The following CPA6 variants were observed in gnomAD, a reference collection of about 807,000 sequenced individuals.
CPA6 encodes carboxypeptidase A6, also known as carboxypeptidase B.
In CPA6, 58 loss-of-function variants were observed where a neutral mutation model predicts 63.3. That is an observed-to-expected ratio of 0.92 (90% confidence interval 0.74 to 1.14). The LOEUF is 1.14. Ranked by LOEUF, CPA6 falls within the 50% of genes most tolerant of loss-of-function variation. The pLI, the probability that CPA6 is intolerant of heterozygous loss-of-function variation, is 0.00. For missense variants in CPA6, 565 were observed against 526.6 expected (o/e 1.07, Z -0.71); for synonymous variants, 185 against 179.0 (o/e 1.03, Z -0.27).
chr8:67,434,384 G>T, intron 8 of CPA6, 144 bp from the exon 9 acceptor site: 1 of 742,530 alleles, frequency 1.3e-6, no homozygotes, highest in Non-Finnish European at 2.2e-6. Context: ...TCTCATTTAT[G>T]GAAATCAGTA....
rs760392592 is a variant in CPA6, at chr8:67,624,204, GC to G, written c.163del (p.Ala55HisfsTer2). On this transcript the variant is annotated frameshift_variant, in exon 2 of 11. Transcript: ENST00000297770. LOFTEE classifies it high-confidence loss of function. ...AAGTTGATAGGATATTTTCTTCAGT[GC>G]ATATGCTTCCTCTTCTGTTTTGGGA... ...FIPKTEEEAY[A>X]LKKISYQLKV... 7 of 1,548,338 alleles carry G rather than the reference GC, an allele frequency of 4.5e-6. No individual in the cohort carries two copies. In the Admixed American group the frequency reaches 8.5e-5, roughly 19 times the overall value.
At chr8:67,454,419 A>G (rs1230723583) in intron 8 of CPA6, among the ~76,000 whole-genome samples, 1 of 152,230 alleles carries the variant, frequency 6.6e-6, no homozygotes, top group Non-Finnish European at 1.5e-5. Context: ...TGTCTGCAGT[A>G]CTATGAAAGA....
At chr8:67,665,442 TGTAA>T (rs1431639156) in intron 1 of CPA6, among the ~76,000 whole-genome samples, 1 of 152,150 alleles carries the variant, frequency 6.6e-6, no homozygotes, top group Non-Finnish European at 1.5e-5. Context: ...AAACTGTCAG[TGTAA>T]GTAACTCCAA....
In CPA6 at chr8:67,490,216, GTCTT is replaced by G. The variant is rs377411275; in HGVS notation, c.637-5431_637-5428del. Among the ~76,000 whole-genome samples, 33 of 152,240 alleles carry G rather than the reference GTCTT, an allele frequency of 2.2e-4. 1 individual carries two copies. Among genetic ancestry groups the G allele is most frequent in the African/African-American group, 7.0e-4 (29 of 41,536 alleles). On this transcript the variant is annotated intron_variant, in intron 6 of 10. Coordinates refer to ENST00000297770, the MANE Select transcript of CPA6 (RefSeq NM_020361.5). ...GTTTCTAAAAGAAACGTAACCATGTGTCTTTCTATTTCCTGTTATTCTAACATAT... is the reference window on the plus strand; with the variant it reads ...GTTTCTAAAAGAAACGTAACCATGTGTCTATTTCCTGTTATTCTAACATAT...
intron 2 of CPA6, among the ~76,000 whole-genome samples, chr8:67,529,413 C>T (rs926143536): frequency 6.6e-6 from 1 of 152,128 alleles, no homozygotes; most frequent in Non-Finnish European, 1.5e-5. Flanking sequence ...AAGCCCTACA[C>T]AGGCTCAGGA....
intron 8 of CPA6, among the ~76,000 whole-genome samples, chr8:67,475,855 C>CTCT (rs1811193515): frequency 1.3e-5 from 1 of 75,792 alleles, no homozygotes; most frequent in African/African-American, 5.6e-5. Context: ...TTCTTTCTTT[C>CTCT]TTTCTTTCTT....
intron 2 of CPA6, among the ~76,000 whole-genome samples, chr8:67,619,419 T>A (rs1815029549): frequency 6.6e-6 from 1 of 152,178 alleles, no homozygotes; most frequent in Non-Finnish European, 1.5e-5. Context: ...TCTTCAGGTA[T>A]CAATGGGCTA....
chr8:67,481,924 C>A (rs571302898), intron 8 of CPA6, among the ~76,000 whole-genome samples: 1 of 152,300 alleles, frequency 6.6e-6, no homozygotes, highest in African/African-American at 2.4e-5. Context: ...CCTGCACTTC[C>A]CCATCACTTC....
intron 2 of CPA6, among the ~76,000 whole-genome samples, chr8:67,523,095 A>G (rs1812292866): frequency 6.6e-6 from 1 of 152,244 alleles, no homozygotes; most frequent in Non-Finnish European, 1.5e-5. Context: ...CAGCTCTGCC[A>G]CTTGTAGGCT....
rs1035861024 is a variant in CPA6 at position 67,517,936 on chromosome 8, T to G, written c.304A>C (p.Asn102His). 3.1e-6 allele frequency: 5 copies of G among 1,610,826 alleles called. No homozygotes were observed. Among genetic ancestry groups the G allele is most frequent in the Non-Finnish European group, 4.2e-6 (5 of 1,178,948 alleles). ...AGGAATGCTTACTTGTACTGGATGT[T>G]GGCTTCCTGTAAGAAGGCTAACAGG... ...RALLAFLQEANIQYKVLIEDL... is the reference protein window; with the variant it reads ...RALLAFLQEAHIQYKVLIEDL... Residue 102 changes from asparagine to histidine, a missense_variant, in exon 3 of 11, where the codon AAC becomes CAC. Coordinates refer to ENST00000297770, the MANE Select transcript of CPA6 (RefSeq NM_020361.5).
chr8:67,694,945 G>A (rs1468463940), intron 1 of CPA6, among the ~76,000 whole-genome samples: 1 of 152,084 alleles, frequency 6.6e-6, no homozygotes, highest in Non-Finnish European at 1.5e-5. Flanking sequence ...ATGGTTAGGA[G>A]CTTGGAAGGA....
chr8:67,443,476 A>G (rs1054351886), intron 8 of CPA6, among the ~76,000 whole-genome samples: 2 of 152,216 alleles, frequency 1.3e-5, no homozygotes, highest in Non-Finnish European at 2.9e-5. Context: ...TTGAGCTACC[A>G]TAACTGTGAA....
intron 1 of CPA6, among the ~76,000 whole-genome samples, chr8:67,629,833 G>A (rs959316313): frequency 2.6e-5 from 4 of 151,984 alleles, no homozygotes; most frequent in South Asian, 2.1e-4. Flanking sequence ...CTGGCTGGGC[G>A]TGGTGGCTCA....
chr8:67,503,440 G>T (rs570128032), intron 6 of CPA6, among the ~76,000 whole-genome samples: 22 of 151,352 alleles, frequency 1.5e-4, no homozygotes, highest in African/African-American at 5.3e-4. Context: ...GGGACTACAG[G>T]CATGCACCAC....
At chr8:67,430,060 C>A (rs992517419) in intron 9 of CPA6, among the ~76,000 whole-genome samples, 1 of 151,030 alleles carries the variant, frequency 6.6e-6, no homozygotes, top group African/African-American at 2.4e-5. Flanking sequence ...TCTACTGTAT[C>A]CTGTTTCCAA....
At chr8:67,624,544 C>T (rs1815155426) in intron 1 of CPA6, among the ~76,000 whole-genome samples, 1 of 152,320 alleles carries the variant, frequency 6.6e-6, no homozygotes, top group African/African-American at 2.4e-5. Flanking sequence ...GGGACAGGAA[C>T]TTTCATGAGC....
chr8:67,444,449 C>T (rs1417723826), intron 8 of CPA6, among the ~76,000 whole-genome samples: 1 of 151,948 alleles, frequency 6.6e-6, no homozygotes, highest in African/African-American at 2.4e-5. Flanking sequence ...CAAGGAAATA[C>T]TAGGCTAGAG....
intron 2 of CPA6, among the ~76,000 whole-genome samples, chr8:67,524,954 C>T (rs1812332102): frequency 6.6e-6 from 1 of 152,146 alleles, no homozygotes; most frequent in Non-Finnish European, 1.5e-5. Context: ...GACTATACTG[C>T]TTCATAGGTT....
chr8:67,606,453 G>A (rs1041000208), intron 2 of CPA6, among the ~76,000 whole-genome samples: 3 of 152,086 alleles, frequency 2.0e-5, no homozygotes, highest in Non-Finnish European at 2.9e-5. Flanking sequence ...CTCTTCAGAA[G>A]CAGTTTTCTC....
Sources: gnomAD v4.1 joint callset for allele counts (sites outside exome capture counted in the v4.1 genomes callset) on GRCh38, gnomAD v4.1.1 for gene constraint, MANE v1.5 for transcripts, NCBI Gene and HGNC (gene_info 2026-07-23, HGNC 2026-07-21) for gene names.